RCBTB1: variants seen among roughly 807,000 people sequenced by gnomAD.
The protein encoded by RCBTB1 is RCC1 and BTB domain-containing protein 1.
Under a neutral mutation model 62.4 loss-of-function variants are expected in RCBTB1, and 46 were observed. The observed-to-expected ratio is 0.74, with a 90% confidence interval of 0.58 to 0.94. The LOEUF (loss-of-function observed/expected upper bound fraction) is 0.94. Among genes scored for constraint, RCBTB1 ranks in the 40% least tolerant of loss-of-function variants. The probability of loss-of-function intolerance (pLI) is 0.00; values close to 1 mark genes in which losing one functional copy is unlikely to be tolerated. For synonymous variants in RCBTB1, 222 were observed against 245.8 expected, an observed-to-expected ratio of 0.90 and a Z score of 0.91; for missense variants, 565 against 654.9, an observed-to-expected ratio of 0.86 and a Z score of 1.50.
intron 10 of RCBTB1, among the ~76,000 whole-genome samples, chr13:49,542,088 C>A (rs988932081): frequency 7.2e-5 from 11 of 151,920 alleles, no homozygotes; most frequent in Non-Finnish European, 1.6e-4. Context: ...GTGGTGCATG[C>A]CTATAATCCC....
intron 2 of RCBTB1, among the ~76,000 whole-genome samples, chr13:49,580,245 G>T (rs1964023022): frequency 6.6e-6 from 1 of 152,126 alleles, no homozygotes; most frequent in Non-Finnish European, 1.5e-5. Context: ...ACAAACAGGT[G>T]TCACAAAACA....
In RCBTB1 at chr13:49,541,713, G is replaced by T. The variant is rs750700899; in HGVS notation, c.1287C>A (p.Tyr429Ter). 6.2e-7 allele frequency: 1 copy of T among 1,613,922 alleles called. No homozygotes were observed. Among genetic ancestry groups the T allele is most frequent in the Non-Finnish European group, 8.5e-7 (1 of 1,179,968 alleles). Residue 429 changes from tyrosine (Y) to a stop codon, truncating the protein, a stop_gained, in exon 11 of 13, where the codon TAC becomes TAA. Coordinates refer to ENST00000378302, the MANE Select transcript of RCBTB1 (RefSeq NM_018191.4). LOFTEE classifies it high-confidence loss of function. Reference sequence around the variant, plus strand: ...CTGGCGGCAGGTCGACTGTGTCTGTGTAGAGGTACTGGAGAAAGGCACGAT... The same window carrying T: ...CTGGCGGCAGGTCGACTGTGTCTGTTTAGAGGTACTGGAGAAAGGCACGAT... Reference protein sequence around the residue: ...PVYRAFLQYLYTDTVDLPPED... With the variant: ...PVYRAFLQYL
chr13:49,549,049 T>G lies in RCBTB1; in HGVS notation c.1045+409A>C, dbSNP rs1270606512. 9.0e-5 allele frequency among the ~76,000 whole-genome samples: 12 copies of G among 133,480 alleles called. 2 individuals are homozygous for G. The South Asian group carries it at 1.3e-3, about 15-fold the overall frequency. 87.6% of individuals were successfully genotyped at this position (133,480 alleles called of 152,430 possible). ...TGGGAGGCTGAGGCAGGAAAATCTC[T>G]TGAACTCGGGAGGTGGAGGTTGCAG... On this transcript the variant is annotated intron_variant, in intron 9 of 12. Coordinates refer to ENST00000378302, the MANE Select transcript of RCBTB1 (RefSeq NM_018191.4).
Position 49,580,575 on chromosome 13 carries a change from A to C in RCBTB1, c.-112T>G, listed in dbSNP as rs1442321650. The stretch of plus-strand genomic sequence containing the variant: ...TGTATTCCAGTCTGGGCAAGAGAGC[A>C]AGATCCTGTCTGAAAAAGAAAAAAG... On this transcript the variant is annotated 5_prime_UTR_variant, in exon 2 of 13. Transcript: ENST00000378302. 1 of 152,266 alleles carries C rather than the reference A, an allele frequency of 6.6e-6. No individual in the cohort carries two copies. Among genetic ancestry groups the C allele is most frequent in the Non-Finnish European group, 1.5e-5 (1 of 68,060 alleles). The allele number at this position is 152,266 out of a possible 1,614,324, so 9.4% of individuals were successfully genotyped here.
chr13:49,566,263 A>C (rs1382660510), intron 4 of RCBTB1, among the ~76,000 whole-genome samples: 1 of 133,080 alleles, frequency 7.5e-6, no homozygotes, highest in African/African-American at 3.4e-5. Context: ...TCAATAAAAA[A>C]ATAAAATAAA....
At chr13:49,573,093 G>A (rs933508457) in intron 2 of RCBTB1, among the ~76,000 whole-genome samples, 6 of 152,178 alleles carry the variant, frequency 3.9e-5, no homozygotes, top group Middle Eastern at 3.4e-3. Flanking sequence ...ACCCAAACAC[G>A]TCATACAGCT....
In RCBTB1 at chr13:49,541,846, A is replaced by C. The variant is rs1960388652; in HGVS notation, c.1173-19T>G. ...CTCACACCTAAAACAGCAAAGCAAA[A>C]GTCTTATTTGTTCAGCAGCAATTTT... On this transcript the variant is annotated intron_variant, in intron 10 of 12. Coordinates refer to ENST00000378302, the MANE Select transcript of RCBTB1 (RefSeq NM_018191.4). 1 of 1,586,112 alleles carries C rather than the reference A, an allele frequency of 6.3e-7. No homozygotes were observed. The highest frequency in any genetic ancestry group is 8.5e-7 in the Non-Finnish European group (1 of 1,171,224).
intron 9 of RCBTB1, chr13:49,547,258 G>GCACCCTT: frequency 9.4e-7 from 1 of 1,064,140 alleles, no homozygotes; most frequent in Non-Finnish European, 1.3e-6. Context: ...TTCACTTTAA[G>GCACCCTT]GCAAGCTTAA....
At chr13:49,543,220 C>T (rs373469529) in intron 10 of RCBTB1, among the ~76,000 whole-genome samples, 29 of 151,872 alleles carry the variant, frequency 1.9e-4, no homozygotes, top group East Asian at 9.7e-4. Flanking sequence ...GCTGGTATTA[C>T]GCCACTGCAC....
chr13:49,571,311 A>C (rs1332896372), intron 2 of RCBTB1, among the ~76,000 whole-genome samples: 1 of 151,960 alleles, frequency 6.6e-6, no homozygotes, highest in Non-Finnish European at 1.5e-5. Flanking sequence ...GCACCACTGC[A>C]CCCCAGCCTG....
At chr13:49,549,804 G>A (rs528259316) in intron 8 of RCBTB1, 156 bp from the exon 9 acceptor site, 92 of 985,378 alleles carry the variant, frequency 9.3e-5, no homozygotes, top group Non-Finnish European at 1.1e-4. Context: ...AAAAGCAACA[G>A]ATCAGGGCAA....
chr13:49,546,126 T>C (rs1280576630), intron 9 of RCBTB1: 1 of 985,356 alleles, frequency 1.0e-6, no homozygotes, highest in Non-Finnish European at 1.2e-6. Context: ...GGAGTCTAGA[T>C]TGCTACCCCC....
rs57586924 is a variant in RCBTB1 at position 49,563,355 on chromosome 13, C to CAAAA, written c.277+3259_277+3262dup. Among the ~76,000 whole-genome samples the CAAAA allele has an allele frequency of 8.1e-3, 419 of 51,800 alleles. 22 individuals are homozygous for CAAAA. The highest frequency in any genetic ancestry group is 9.1e-3 in the East Asian group (15 of 1,650). The allele number at this position is 51,800 out of a possible 152,430, so 34.0% of individuals were successfully genotyped here. ...TGACAGAGAGAGAGAGACCCTGCCT[C>CAAAA]AAAAAAAAAAAAAAAAAAAAAAAAA... On this transcript the variant is annotated intron_variant, in intron 4 of 12. Coordinates refer to ENST00000378302, the MANE Select transcript of RCBTB1 (RefSeq NM_018191.4).
chr13:49,584,577 A>T (rs1964286281), intron 1 of RCBTB1, among the ~76,000 whole-genome samples: 1 of 152,156 alleles, frequency 6.6e-6, no homozygotes, highest in South Asian at 2.1e-4. Context: ...GGCATTATAT[A>T]CTTTGATGTT....
chr13:49,575,232 A>G (rs1031959037), intron 2 of RCBTB1, among the ~76,000 whole-genome samples: 8 of 152,222 alleles, frequency 5.3e-5, no homozygotes, highest in African/African-American at 1.9e-4. Flanking sequence ...CAGAATGGCC[A>G]TTATCAAAAA....
At chr13:49,542,801 T>C (rs965081485) in intron 10 of RCBTB1, among the ~76,000 whole-genome samples, 1 of 152,126 alleles carries the variant, frequency 6.6e-6, no homozygotes, top group African/African-American at 2.4e-5. Flanking sequence ...GATAGTCAGA[T>C]ATTTCAAGAA....
chr13:49,538,820 CTTCT>C lies in RCBTB1; in HGVS notation c.1455+2052_1455+2055del, dbSNP rs1194876256. Among the ~76,000 whole-genome samples, 9 of 144,838 alleles carry C rather than the reference CTTCT, an allele frequency of 6.2e-5. No individual in the cohort carries two copies. In the East Asian group the frequency reaches 1.8e-3, roughly 29 times the overall value. On this transcript the variant is annotated intron_variant, in intron 12 of 12. Transcript: ENST00000378302. The stretch of plus-strand genomic sequence containing the variant: ...TAAAGAGGTGAGTCTTTCTTTTTGT[CTTCT>C]TTCTATTCTCTAATTTTTCTACGTT...
rs757209150 is a variant in RCBTB1 at position 49,549,624 on chromosome 13, G to C, written c.879C>G (p.His293Gln). 6.2e-7 allele frequency: 1 copy of C among 1,612,116 alleles called. No individual in the cohort carries two copies. The highest frequency in any genetic ancestry group is 1.1e-5 in the South Asian group (1 of 90,846). ...TCTTGGCTGCAGACGTGTGGGCAGA[G>C]TGACAGGCTGCAATCTCTACCACCC... Reference protein sequence around the residue: ...KERVVEIAACHSAHTSAAKTQ... With the variant: ...KERVVEIAACQSAHTSAAKTQ... The change falls in exon 9 of 13, where the codon CAC becomes CAG. Residue 293 changes from histidine (H) to glutamine (Q), a missense_variant. Coordinates refer to ENST00000378302, the MANE Select transcript of RCBTB1 (RefSeq NM_018191.4).
chr13:49,541,479 C>T (rs1372059597), intron 11 of RCBTB1, among the ~76,000 whole-genome samples, 197 bp downstream of exon 11: 2 of 151,922 alleles, frequency 1.3e-5, no homozygotes, highest in Non-Finnish European at 2.9e-5. Flanking sequence ...ACAAAAAAGC[C>T]TATGGTCATA....
Sources: gnomAD v4.1 joint callset for allele counts (sites outside exome capture counted in the v4.1 genomes callset) on GRCh38, gnomAD v4.1.1 for gene constraint, MANE v1.5 for transcripts, NCBI Gene and HGNC (gene_info 2026-07-23, HGNC 2026-07-21) for gene names.